The following HTR2A variants were observed in gnomAD, a reference collection of about 807,000 sequenced individuals.
The protein encoded by HTR2A is 5-HT2 receptor.
HTR2A carries 14 observed loss-of-function variants against 31.0 expected under a neutral mutation model. The observed-to-expected ratio is 0.45, with a 90% CI of 0.30 to 0.71. The LOEUF (loss-of-function observed/expected upper bound fraction) is 0.71. HTR2A is among the 30% of genes least tolerant of loss of function. The pLI is 0.09. For missense variants in HTR2A, 442 were observed against 573.3 expected (o/e 0.77, Z 2.34); for synonymous variants, 209 against 225.2 (o/e 0.93, Z 0.64).
chr13:46,888,303 CT>C (rs1951025746), intron 3 of HTR2A, among the ~76,000 whole-genome samples: 1 of 152,028 alleles, frequency 6.6e-6, no homozygotes, highest in African/African-American at 2.4e-5. Flanking sequence ...TAATTCACAA[CT>C]AAGTACATCA....
At chr13:46,873,925 C>T (rs6561336) in intron 3 of HTR2A, among the ~76,000 whole-genome samples, 67,954 of 151,980 alleles carry the variant, frequency 0.45, 15,599 homozygotes, top group East Asian at 0.66. Context: ...AAGGCCATAA[C>T]CAGAATCTAA....
chr13:46,847,219 C>T (rs774608708), intron 3 of HTR2A, among the ~76,000 whole-genome samples: 33 of 152,170 alleles, frequency 2.2e-4, no homozygotes, highest in African/African-American at 6.5e-4. Context: ...GGGCAGTGAG[C>T]GGGGGTGCCT....
chr13:46,853,704 C>G (rs1280878079), intron 3 of HTR2A, among the ~76,000 whole-genome samples: 1 of 152,110 alleles, frequency 6.6e-6, no homozygotes, highest in African/African-American at 2.4e-5. Context: ...CAGGCAGGCC[C>G]CTGTCCAGGG....
intron 3 of HTR2A, among the ~76,000 whole-genome samples, chr13:46,841,221 T>C (rs954211059): frequency 1.2e-4 from 18 of 152,170 alleles, no homozygotes; most frequent in African/African-American, 4.3e-4. Flanking sequence ...CATTTCTTTA[T>C]AGCAGTGTGA....
chr13:46,892,314 A>C (rs2070035), intron 3 of HTR2A, 76 bp downstream of exon 3: 3 of 1,403,994 alleles, frequency 2.1e-6, no homozygotes, highest in Non-Finnish European at 3.0e-6. Flanking sequence ...GTTTCAGTAC[A>C]ACAAAATGGA....
intron 3 of HTR2A, among the ~76,000 whole-genome samples, chr13:46,876,364 C>G (rs998785125): frequency 7.3e-6 from 1 of 136,830 alleles, no homozygotes; most frequent in African/African-American, 2.6e-5. Context: ...AAGGCATTTG[C>G]TGTGTGCTTG....
chr13:46,853,088 T>C (rs958252559), intron 3 of HTR2A, among the ~76,000 whole-genome samples: 1 of 152,184 alleles, frequency 6.6e-6, no homozygotes, highest in African/African-American at 2.4e-5. Flanking sequence ...CAGTATCTTA[T>C]AGAGTTTGTG....
chr13:46,895,854 A>G lies in HTR2A; in HGVS notation c.53T>C (p.Leu18Pro). The change falls in exon 2 of 4, where the codon CTA becomes CCA. Residue 18 changes from leucine to proline, a missense_variant. Physicochemically the swap from Leu to Pro is moderately conservative, Grantham distance 98 (BLOSUM62 -3). This residue lies in a region of HTR2A where 83 missense variants were observed against 84.8 expected (regional missense o/e 0.98). Coordinates refer to ENST00000542664, the MANE Select transcript of HTR2A (RefSeq NM_000621.5). The surrounding 1 kb of genome is among the most constrained non-coding windows in gnomAD (Gnocchi z 4.4). ...CCTGGTGTCATCATTTAATTGCATT[A>G]GGGAGTTCGTAGTTGAGCTCAAAGA... is the stretch of plus-strand genomic sequence containing the variant. Reference protein sequence around the residue: ...NTSLSSTTNSLMQLNDDTRLY... With the variant: ...NTSLSSTTNSPMQLNDDTRLY... 6.2e-7 allele frequency: 1 copy of G among 1,613,926 alleles called. No individual in the cohort carries two copies.
intron 3 of HTR2A, among the ~76,000 whole-genome samples, chr13:46,876,693 G>A (rs1031476854): frequency 1.3e-5 from 2 of 151,986 alleles, no homozygotes; most frequent in Non-Finnish European, 2.9e-5. Context: ...TGGGATTACA[G>A]GCGTGAGCCA....
At chr13:46,877,687 A>C (rs950107180) in intron 3 of HTR2A, among the ~76,000 whole-genome samples, 5 of 152,100 alleles carry the variant, frequency 3.3e-5, no homozygotes, top group Non-Finnish European at 5.9e-5. Flanking sequence ...GTGACCTAGT[A>C]GGGGAATAAA....
chr13:46,887,473 A>C (rs1273108269), intron 3 of HTR2A, among the ~76,000 whole-genome samples: 1 of 151,758 alleles, frequency 6.6e-6, no homozygotes, highest in African/African-American at 2.4e-5. Context: ...AATTAAAAAA[A>C]TTACCAGACA....
At chr13:46,884,792 C>T (rs1282900795) in intron 3 of HTR2A, among the ~76,000 whole-genome samples, 1 of 142,214 alleles carries the variant, frequency 7.0e-6, no homozygotes, top group African/African-American at 2.5e-5. Flanking sequence ...GACAGATTCT[C>T]AGCACTTGTG....
intron 3 of HTR2A, among the ~76,000 whole-genome samples, chr13:46,858,891 G>A (rs1950759179): frequency 6.6e-6 from 1 of 152,150 alleles, no homozygotes; most frequent in Non-Finnish European, 1.5e-5. Flanking sequence ...GAGAAAAGCA[G>A]GGCAGATGCG....
intron 3 of HTR2A, among the ~76,000 whole-genome samples, chr13:46,869,693 TG>T (rs1358345312): frequency 6.6e-6 from 1 of 151,882 alleles, no homozygotes; most frequent in Non-Finnish European, 1.5e-5. Flanking sequence ...ATGAATAAAA[TG>T]AGGTACATAT....
chr13:46,849,642 C>G (rs1950667178), intron 3 of HTR2A, among the ~76,000 whole-genome samples: 1 of 152,326 alleles, frequency 6.6e-6, no homozygotes, highest in East Asian at 1.9e-4. Context: ...GAACACGCCA[C>G]TCTCTACTGA....
Position 46,878,207 on chromosome 13 carries a change from T to C in HTR2A, c.613+14183A>G, listed in dbSNP as rs117723131. ...TGTTTGCATTAGCACCAGAGAGAGA[T>C]GATGAGGGCTGACTGGGAGGAGAAA... is the stretch of plus-strand genomic sequence containing the variant. On this transcript the variant is annotated intron_variant, in intron 3 of 3. Transcript: ENST00000542664. 2.0e-5 allele frequency among the ~76,000 whole-genome samples: 3 copies of C among 152,058 alleles called. No individual in the cohort carries two copies. The East Asian group carries it at 5.8e-4, about 29-fold the overall frequency.
At chr13:46,873,808 T>C (rs1950884803) in intron 3 of HTR2A, among the ~76,000 whole-genome samples, 1 of 152,218 alleles carries the variant, frequency 6.6e-6, no homozygotes, top group Non-Finnish European at 1.5e-5. Flanking sequence ...ACTTTCACAG[T>C]TCAGTCATAT....
chr13:46,844,127 T>C lies in HTR2A; in HGVS notation c.614-8488A>G, dbSNP rs566404997. ...ATCTTAGAATTTTTCTCTAGACATG[T>C]CATTATATTCATGAGATGACAATCT... On this transcript the variant is annotated intron_variant, in intron 3 of 3. Transcript: ENST00000542664. 2.0e-5 allele frequency among the ~76,000 whole-genome samples: 3 copies of C among 152,330 alleles called. No individual in the cohort carries two copies. In the East Asian group the frequency reaches 5.8e-4, roughly 29 times the overall value.
At chr13:46,857,554 C>T (rs891383528) in intron 3 of HTR2A, among the ~76,000 whole-genome samples, 1 of 152,126 alleles carries the variant, frequency 6.6e-6, no homozygotes, top group African/African-American at 2.4e-5. Flanking sequence ...AATACATAAT[C>T]ACATTGATGA....
Sources: gnomAD v4.1 joint callset for allele counts (sites outside exome capture counted in the v4.1 genomes callset) on GRCh38, gnomAD v4.1.1 for gene constraint, gnomAD v4.1.1 regional missense constraint, Gnocchi (gnomAD v3.1) non-coding constraint, MANE v1.5 for transcripts, NCBI Gene and HGNC (gene_info 2026-07-23, HGNC 2026-07-21) for gene names.